Variants in TENM2 observed in about 807,000 individuals in gnomAD.
TENM2 encodes teneurin transmembrane protein 2, also known as teneurin-2.
TENM2 carries 52 observed loss-of-function variants against 245.2 expected under a neutral mutation model. The observed-to-expected ratio is 0.21, with a 90% confidence interval of 0.17 to 0.27. The LOEUF is 0.27. Ranked by LOEUF, TENM2 falls within the 10% of genes least tolerant of loss-of-function variation. The probability of loss-of-function intolerance (pLI) is 1.00; values close to 1 mark genes in which losing one functional copy is unlikely to be tolerated. For synonymous variants in TENM2, 1,363 were observed against 1,438.9 expected (o/e 0.95, Z 1.19); for missense variants, 3,046 against 3,666.8 (o/e 0.83, Z 4.37).
intron 2 of TENM2, among the ~76,000 whole-genome samples, chr5:167,792,995 G>C (rs1765087882): frequency 6.6e-6 from 1 of 152,040 alleles, no homozygotes; most frequent in South Asian, 2.1e-4. Flanking sequence ...TTTTCTTTTT[G>C]TACAAACACT....
chr5:167,109,173 T>C, the TENM2 span, among the ~76,000 whole-genome samples: 1 of 152,198 alleles, frequency 6.6e-6, no homozygotes, highest in East Asian at 1.9e-4. Flanking sequence ...AGTAAGGCAC[T>C]ATCTGTTTAA....
intron 1 of TENM2, among the ~76,000 whole-genome samples, chr5:167,357,940 A>G (rs531466993): frequency 4.3e-4 from 66 of 152,278 alleles, no homozygotes; most frequent in African/African-American, 1.5e-3. Context: ...CTTATTGCCT[A>G]TCACTCTAAG....
chr5:167,317,675 C>T (rs1361894672), intron 1 of TENM2, among the ~76,000 whole-genome samples: 1 of 152,164 alleles, frequency 6.6e-6, no homozygotes, highest in African/African-American at 2.4e-5. Flanking sequence ...TCATCGCATG[C>T]ACTTGGAGCA....
At chr5:167,924,107 G>A (rs1777570149) in intron 3 of TENM2, among the ~76,000 whole-genome samples, 2 of 152,180 alleles carry the variant, frequency 1.3e-5, no homozygotes, top group African/African-American at 4.8e-5. Flanking sequence ...CCATATGGAG[G>A]ACAGGATGCT....
chr5:167,419,829 G>T (rs1763386048), intron 2 of TENM2, among the ~76,000 whole-genome samples: 1 of 152,152 alleles, frequency 6.6e-6, no homozygotes, highest in Non-Finnish European at 1.5e-5. Context: ...GCCCTCATTT[G>T]AACTAAAATC....
At position 168,215,032 on chromosome 5, in the gene TENM2, T is replaced by A; in HGVS notation, c.3846-8T>A. The A allele has an allele frequency of 3.1e-6, 5 of 1,613,238 alleles. No homozygotes were observed. The Admixed American group carries it at 5.0e-5, about 16-fold the overall frequency. On this transcript the variant is annotated splice_polypyrimidine_tract_variant and splice_region_variant and intron_variant, in intron 20 of 28. Transcript: ENST00000518659. Reference sequence around the variant, plus strand: ...TCCTCATTTCTCTTTGTGCTTCTTCTACTAAAGCAACAACCCAGCACACAA... The same window carrying A: ...TCCTCATTTCTCTTTGTGCTTCTTCAACTAAAGCAACAACCCAGCACACAA...
intron 2 of TENM2, among the ~76,000 whole-genome samples, chr5:167,478,624 T>C (rs1767553169): frequency 6.6e-6 from 1 of 152,228 alleles, no homozygotes; most frequent in Non-Finnish European, 1.5e-5. Flanking sequence ...TTGGACTTAT[T>C]TTAATGATGT....
At chr5:168,192,379 A>T (rs1412425552) in intron 14 of TENM2, among the ~76,000 whole-genome samples, 1 of 152,168 alleles carries the variant, frequency 6.6e-6, no homozygotes, top group Admixed American at 6.5e-5. Context: ...CACCAGTCAG[A>T]ACTCACCAGA....
At chr5:167,654,199 A>G (rs1459395332) in intron 2 of TENM2, among the ~76,000 whole-genome samples, 2 of 151,876 alleles carry the variant, frequency 1.3e-5, no homozygotes, top group Non-Finnish European at 2.9e-5. Context: ...CAGTTATGGC[A>G]TGTATGCTGT....
At chr5:167,340,379 CA>C (rs1202480467) in intron 1 of TENM2, among the ~76,000 whole-genome samples, 1 of 152,186 alleles carries the variant, frequency 6.6e-6, no homozygotes, top group African/African-American at 2.4e-5. Context: ...ATGGCTTAAA[CA>C]AGAGAAATTT....
At chr5:167,870,327 T>C (rs1000517046) in intron 2 of TENM2, among the ~76,000 whole-genome samples, 1 of 152,106 alleles carries the variant, frequency 6.6e-6, no homozygotes, top group Non-Finnish European at 1.5e-5. Flanking sequence ...TCACATCTTA[T>C]TCATTTGTTA....
At chr5:167,468,757 C>T (rs1766826241) in intron 2 of TENM2, among the ~76,000 whole-genome samples, 2 of 152,176 alleles carry the variant, frequency 1.3e-5, no homozygotes, top group Admixed American at 1.3e-4. Context: ...TATATTGAAT[C>T]ATTGATTCTC....
chr5:167,438,986 G>A (rs905190629), intron 2 of TENM2, among the ~76,000 whole-genome samples: 11 of 151,680 alleles, frequency 7.3e-5, no homozygotes, highest in African/African-American at 1.9e-4. Flanking sequence ...GTAGAAACGC[G>A]TTTCACTATG....
At chr5:167,283,201 G>T (rs1391705487), upstream of TENM2, among the ~76,000 whole-genome samples, 1 of 151,746 alleles carries the variant, frequency 6.6e-6, no homozygotes, top group Non-Finnish European at 1.5e-5. Context: ...CCGCCACCAG[G>T]CCCAGCGAAT....
intron 2 of TENM2, among the ~76,000 whole-genome samples, chr5:167,397,557 C>T (rs1366391200): frequency 6.6e-6 from 1 of 152,154 alleles, no homozygotes; most frequent in South Asian, 2.1e-4. Flanking sequence ...GAAGAGATAA[C>T]AATTTTCTTA....
intron 3 of TENM2, among the ~76,000 whole-genome samples, chr5:167,898,459 A>G (rs1250296518): frequency 1.3e-5 from 2 of 152,150 alleles, no homozygotes; most frequent in Admixed American, 6.5e-5. Flanking sequence ...GAATCACCTC[A>G]GGAGTTTGAA....
the TENM2 span, among the ~76,000 whole-genome samples, chr5:167,152,170 A>G: frequency 6.6e-6 from 1 of 152,340 alleles, no homozygotes; most frequent in South Asian, 2.1e-4. Context: ...TATGAACCAC[A>G]CATTGTATTT....
At chr5:167,450,422 A>G (rs915139612) in intron 2 of TENM2, among the ~76,000 whole-genome samples, 5 of 152,206 alleles carry the variant, frequency 3.3e-5, no homozygotes, top group African/African-American at 9.6e-5. Context: ...CTTCTAGAAT[A>G]TAAGCCCCAT....
chr5:167,709,678 T>C (rs1345389569), intron 2 of TENM2, among the ~76,000 whole-genome samples: 1 of 152,176 alleles, frequency 6.6e-6, no homozygotes, highest in East Asian at 1.9e-4. Flanking sequence ...CTCCCCTCTC[T>C]TCAGACCCAC....
Sources: allele counts gnomAD v4.1 joint callset (sites outside exome capture counted in the v4.1 genomes callset), GRCh38; gene constraint gnomAD v4.1.1; transcripts MANE v1.5; gene names NCBI Gene and HGNC (gene_info 2026-07-23, HGNC 2026-07-21).